Variants in HOOK3 observed in about 807,000 individuals in gnomAD.
HOOK3 encodes the protein protein Hook homolog 3.
Under a neutral mutation model 116.3 loss-of-function variants are expected in HOOK3, and 24 were observed. That is an observed-to-expected ratio of 0.21 (90% CI 0.15 to 0.29). The LOEUF (loss-of-function observed/expected upper bound fraction) is 0.29, where lower values mean the gene tolerates loss of function less well. Among genes scored for constraint, HOOK3 ranks in the 10% least tolerant of loss-of-function variants. HOOK3 has a pLI of 1.00. For synonymous variants in HOOK3, 275 were observed against 283.0 expected (o/e 0.97, Z 0.28); for missense variants, 632 against 830.2 (o/e 0.76, Z 2.93).
At chr8:42,938,535 T>C (rs1219844730) in intron 4 of HOOK3, among the ~76,000 whole-genome samples, 1 of 152,140 alleles carries the variant, frequency 6.6e-6, no homozygotes, top group East Asian at 1.9e-4. Flanking sequence ...TGGTACCAGT[T>C]TTTCCTTGCC....
intron 17 of HOOK3, among the ~76,000 whole-genome samples, chr8:43,006,060 G>A (rs1393883247): frequency 4.4e-5 from 6 of 136,846 alleles, no homozygotes; most frequent in Admixed American, 1.5e-4. Flanking sequence ...TCGCTCTGTC[G>A]CCCAGGCTGG....
chr8:42,910,673 TTGTATGA>T (rs1455156160), intron 2 of HOOK3, among the ~76,000 whole-genome samples: 1 of 152,230 alleles, frequency 6.6e-6, no homozygotes, highest in African/African-American at 2.4e-5. Context: ...TTTTAAATAG[TTGTATGA>T]TGTATACAAC....
intron 2 of HOOK3, among the ~76,000 whole-genome samples, chr8:42,910,160 T>C (rs932657413): frequency 6.6e-6 from 1 of 152,240 alleles, no homozygotes; most frequent in African/African-American, 2.4e-5. Flanking sequence ...GTATACGATA[T>C]CATAACATCA....
chr8:42,944,788 T>C (rs1005152303), intron 5 of HOOK3, among the ~76,000 whole-genome samples: 4 of 152,188 alleles, frequency 2.6e-5, no homozygotes, highest in Non-Finnish European at 4.4e-5. Context: ...CACTGCACTT[T>C]AGCCTGGGCA....
At chr8:42,956,244 G>A (rs1325831811) in intron 6 of HOOK3, among the ~76,000 whole-genome samples, 3 of 151,450 alleles carry the variant, frequency 2.0e-5, no homozygotes, top group Non-Finnish European at 4.4e-5. Flanking sequence ...GTGTGTGTGT[G>A]TGTGTGTGTG....
At chr8:42,940,044 G>A (rs1048362981) in intron 4 of HOOK3, among the ~76,000 whole-genome samples, 4 of 150,464 alleles carry the variant, frequency 2.7e-5, no homozygotes, top group African/African-American at 7.3e-5. Flanking sequence ...GACGGTGGGC[G>A]GCCAGGCAGA....
In HOOK3 at chr8:43,028,716, A is replaced by T. The variant is rs1289119467; in HGVS notation, c.*10218A>T. ...ATTAATTTACTTGGCCTGCTACTAA[A>T]GTGCTTAACATAACTAAATGGATCT... On this transcript the variant is annotated 3_prime_UTR_variant, in exon 22 of 22. Coordinates refer to ENST00000307602, the MANE Select transcript of HOOK3 (RefSeq NM_032410.4). The T allele has an allele frequency of 5.1e-6, 1 of 197,180 alleles. No homozygotes were observed. The highest frequency in any genetic ancestry group is 1.1e-5 in the Non-Finnish European group (1 of 95,176). The allele number at this position is 197,180 out of a possible 1,614,324, so 12.2% of individuals were successfully genotyped here.
chr8:42,951,371 C>CT (rs1808342947), intron 6 of HOOK3, among the ~76,000 whole-genome samples: 1 of 152,136 alleles, frequency 6.6e-6, no homozygotes, highest in African/African-American at 2.4e-5. Flanking sequence ...CAAATAATAT[C>CT]TATCTTAAAC....
Position 43,028,737 on chromosome 8 carries a change from G to T in HOOK3, c.*10239G>T, listed in dbSNP as rs1226861337. On this transcript the variant is annotated 3_prime_UTR_variant, in exon 22 of 22. Transcript: ENST00000307602. Reference sequence around the variant, plus strand: ...CTAAAGTGCTTAACATAACTAAATGGATCTATAGTAACATGTCTAAATTTT... The same window carrying T: ...CTAAAGTGCTTAACATAACTAAATGTATCTATAGTAACATGTCTAAATTTT... 2 of 197,646 alleles carry T rather than the reference G, an allele frequency of 1.0e-5. No homozygotes were observed. The highest frequency in any genetic ancestry group is 4.6e-5 in the African/African-American group (2 of 43,332). 12.2% of individuals were successfully genotyped at this position (197,646 alleles called of 1,614,324 possible). A position where few individuals can be genotyped will look rare whatever the true frequency, so the allele number is the denominator to read the frequency against.
chr8:42,944,354 T>C (rs1808184309), intron 5 of HOOK3, among the ~76,000 whole-genome samples: 1 of 151,900 alleles, frequency 6.6e-6, no homozygotes, highest in African/African-American at 2.4e-5. Flanking sequence ...AGGCAGAGGT[T>C]GCAATGAGCC....
chr8:42,975,332 C>A (rs1338096754), intron 13 of HOOK3, among the ~76,000 whole-genome samples: 1 of 152,194 alleles, frequency 6.6e-6, no homozygotes, highest in East Asian at 1.9e-4. Context: ...TTTAAAACTC[C>A]CGGCCTAGTC....
rs1809823438 is a variant in HOOK3 at position 43,021,294 on chromosome 8, G to GT, written c.*2800dup. The GT allele has an allele frequency of 5.1e-6, 1 of 194,964 alleles. No individual in the cohort carries two copies. Among genetic ancestry groups the GT allele is most frequent in the Non-Finnish European group, 1.1e-5 (1 of 93,918 alleles). 12.1% of individuals were successfully genotyped at this position (194,964 alleles called of 1,614,324 possible). On this transcript the variant is annotated 3_prime_UTR_variant, in exon 22 of 22. Coordinates refer to ENST00000307602, the MANE Select transcript of HOOK3 (RefSeq NM_032410.4). ...AAAGGCCCCAGGCTTTTAGAGGGGA[G>GT]TTTTACTTCTGACTTTTTTTTCCCC... is the stretch of plus-strand genomic sequence containing the variant.
chr8:42,925,472 T>C (rs1807746765), intron 2 of HOOK3, 85 bp from the exon 3 acceptor site: 2 of 842,050 alleles, frequency 2.4e-6, no homozygotes, highest in South Asian at 1.7e-5. Context: ...TGCAGTTAAG[T>C]GATTATATGG....
intron 13 of HOOK3, among the ~76,000 whole-genome samples, chr8:42,980,590 C>T (rs576864742): frequency 8.0e-4 from 121 of 151,982 alleles, no homozygotes; most frequent in Middle Eastern, 3.4e-3. Flanking sequence ...GGACTGGTGG[C>T]TTTATAAGAA....
intron 4 of HOOK3, among the ~76,000 whole-genome samples, chr8:42,938,107 CTCT>C (rs1215139493): frequency 6.6e-5 from 10 of 152,132 alleles, no homozygotes; most frequent in African/African-American, 2.2e-4. Flanking sequence ...GGATAGCTAG[CTCT>C]TCTTGTTGAA....
chr8:43,013,978 A>G (rs181005658), intron 21 of HOOK3, among the ~76,000 whole-genome samples: 2 of 152,074 alleles, frequency 1.3e-5, no homozygotes, highest in Non-Finnish European at 1.5e-5. Context: ...TCCCAATAAG[A>G]CCACTTCTGC....
At chr8:42,947,523 C>G (rs1179783081) in intron 5 of HOOK3, among the ~76,000 whole-genome samples, 1 of 152,106 alleles carries the variant, frequency 6.6e-6, no homozygotes, top group Non-Finnish European at 1.5e-5. Context: ...ACCAAATGTT[C>G]TGTAGAAACA....
At position 43,029,340 on chromosome 8, in the gene HOOK3, G is replaced by C. The variant is rs970276594; in HGVS notation, c.*10842G>C. On this transcript the variant is annotated 3_prime_UTR_variant, in exon 22 of 22. Transcript: ENST00000307602. ...AATTTTTGTATTTTTAGTAGAGACG[G>C]GGTTTCACCTTGTTGGCCAGGATGA... is the stretch of plus-strand genomic sequence containing the variant. 6.0e-6 allele frequency: 1 copy of C among 166,064 alleles called. No homozygotes were observed. Among genetic ancestry groups the C allele is most frequent in the Non-Finnish European group, 1.3e-5 (1 of 76,114 alleles). 10.3% of individuals were successfully genotyped at this position (166,064 alleles called of 1,614,324 possible).
At chr8:43,005,213 AATTTT>A (rs1809459136) in intron 17 of HOOK3, among the ~76,000 whole-genome samples, 2 of 108,826 alleles carry the variant, frequency 1.8e-5, no homozygotes, top group African/African-American at 3.7e-5. Context: ...ATATATATAT[AATTTT>A]TTTTTTTTTT....
Sources: allele counts gnomAD v4.1 joint callset (sites outside exome capture counted in the v4.1 genomes callset), GRCh38; gene constraint gnomAD v4.1.1; transcripts MANE v1.5; gene names NCBI Gene and HGNC (gene_info 2026-07-23, HGNC 2026-07-21).